EPSTI1: variants seen among roughly 807,000 people sequenced by gnomAD.
The protein encoded by EPSTI1 is epithelial stromal interaction 1, also known as epithelial-stromal interaction protein 1.
A neutral mutation model predicts 49.9 loss-of-function variants in EPSTI1; 66 were observed. That is an observed-to-expected ratio of 1.32 (90% CI 1.08 to 1.62). The LOEUF (loss-of-function observed/expected upper bound fraction) is 1.62, where lower values mean the gene tolerates loss of function less well. EPSTI1 is among the 40% of genes most tolerant of loss of function. The pLI, the probability that EPSTI1 is intolerant of heterozygous loss-of-function variation, is 0.00. For synonymous variants in EPSTI1, 137 were observed against 130.7 expected (o/e 1.05, Z -0.33); for missense variants, 394 against 365.5 (o/e 1.08, Z -0.64).
Position 42,922,975 on chromosome 13 carries a change from T to C in EPSTI1, c.657+3361A>G, listed in dbSNP as rs1359991442. Among the ~76,000 whole-genome samples the C allele has an allele frequency of 1.3e-5, 2 of 152,058 alleles. No individual in the cohort carries two copies. Among genetic ancestry groups the C allele is most frequent in the Non-Finnish European group, 2.9e-5 (2 of 68,012 alleles). Reference sequence around the variant, plus strand: ...TGCTCCTGATTTCAAAAGCTTTGCTTCCCCTTACCTTGCTTGCAAAAGCTT... The same window carrying C: ...TGCTCCTGATTTCAAAAGCTTTGCTCCCCCTTACCTTGCTTGCAAAAGCTT... On this transcript the variant is annotated intron_variant, in intron 7 of 10. Coordinates refer to ENST00000313624, the MANE Select transcript of EPSTI1 (RefSeq NM_033255.5). This position sits in a 1 kb window ranked among gnomAD's most constrained non-coding sequence, Gnocchi z 4.8.
At chr13:42,927,983 C>T (rs2038235957) in intron 6 of EPSTI1, among the ~76,000 whole-genome samples, 1 of 152,240 alleles carries the variant, frequency 6.6e-6, no homozygotes, top group Admixed American at 6.5e-5. Context: ...GAAGAAACTT[C>T]AGACCAAGTT....
At chr13:42,924,219 G>A (rs1225797807) in intron 7 of EPSTI1, among the ~76,000 whole-genome samples, 4 of 152,188 alleles carry the variant, frequency 2.6e-5, no homozygotes, top group African/African-American at 9.7e-5. Flanking sequence ...ATTGAACACT[G>A]AAACCGTATT....
rs528110594 is a variant in EPSTI1, at chr13:42,911,656, C to T, written c.741+5885G>A. Among the ~76,000 whole-genome samples, 7 of 152,204 alleles carry T rather than the reference C, an allele frequency of 4.6e-5. No homozygotes were observed. The South Asian group carries it at 1.5e-3, about 32-fold the overall frequency. On this transcript the variant is annotated intron_variant, in intron 8 of 10. Coordinates refer to ENST00000313624, the MANE Select transcript of EPSTI1 (RefSeq NM_033255.5). ...TTTAAACTTTTCCAAATCTATGGTT[C>T]TAGTCCCTCATTTCTAATGCCGTGT... is the stretch of plus-strand genomic sequence containing the variant.
chr13:42,911,489 A>G (rs2037684851), intron 8 of EPSTI1, among the ~76,000 whole-genome samples: 1 of 152,170 alleles, frequency 6.6e-6, no homozygotes, highest in South Asian at 2.1e-4. Flanking sequence ...TTCTCAGAAA[A>G]CTTCAGAAAT....
intron 1 of EPSTI1, among the ~76,000 whole-genome samples, chr13:42,975,682 A>G (rs2039867353): frequency 6.6e-6 from 1 of 152,226 alleles, no homozygotes; most frequent in Admixed American, 6.5e-5. Flanking sequence ...ATGGTTTGGT[A>G]TGTATCTCAG....
At chr13:42,921,314 A>G (rs1234651905) in intron 7 of EPSTI1, among the ~76,000 whole-genome samples, 2 of 152,228 alleles carry the variant, frequency 1.3e-5, no homozygotes, top group African/African-American at 4.8e-5. Flanking sequence ...AGGAACCAGT[A>G]TTCAAAGTTA....
chr13:42,973,332 G>A (rs1278442136), intron 1 of EPSTI1, among the ~76,000 whole-genome samples: 2 of 152,156 alleles, frequency 1.3e-5, no homozygotes, highest in African/African-American at 2.4e-5. Flanking sequence ...TGAATTTAGA[G>A]GGTTTTTACT....
intron 1 of EPSTI1, among the ~76,000 whole-genome samples, chr13:42,982,643 G>T (rs1462885285): frequency 1.3e-5 from 2 of 152,174 alleles, no homozygotes; most frequent in Non-Finnish European, 2.9e-5. Flanking sequence ...CTTTTCTCCT[G>T]CAAAGTACTT....
At chr13:42,961,689 C>T (rs1239927166) in intron 5 of EPSTI1, among the ~76,000 whole-genome samples, 1 of 152,142 alleles carries the variant, frequency 6.6e-6, no homozygotes, top group Non-Finnish European at 1.5e-5. Flanking sequence ...GAGATGACGA[C>T]CAATCAGAAT....
chr13:42,969,594 T>C (rs1024169622), intron 2 of EPSTI1: 1 of 194,774 alleles, frequency 5.1e-6, no homozygotes, highest in Non-Finnish European at 1.1e-5. Context: ...CTGATGCCCA[T>C]ACTCGCTTTA....
At chr13:42,918,212 G>A (rs1000732281) in intron 7 of EPSTI1, among the ~76,000 whole-genome samples, 1 of 152,146 alleles carries the variant, frequency 6.6e-6, no homozygotes, top group African/African-American at 2.4e-5. Context: ...AAAGCCTTTG[G>A]CAAGCCAGCA....
chr13:42,965,235 G>A (rs1289040399), intron 3 of EPSTI1, among the ~76,000 whole-genome samples: 1 of 152,144 alleles, frequency 6.6e-6, no homozygotes, highest in East Asian at 1.9e-4. Flanking sequence ...TAGAAGAAAT[G>A]GAGAGAGCCA....
chr13:42,895,180 G>T, intron 9 of EPSTI1, 72 bp from the exon 10 acceptor site: 1 of 1,229,296 alleles, frequency 8.1e-7, no homozygotes. Context: ...AGAATCTAAT[G>T]TGTTGTATGA....
intron 1 of EPSTI1, among the ~76,000 whole-genome samples, chr13:42,978,130 G>A (rs2039916160): frequency 6.6e-6 from 1 of 151,786 alleles, no homozygotes; most frequent in African/African-American, 2.4e-5. Flanking sequence ...TCCAGCCTGG[G>A]CCACAGAGCG....
At chr13:42,983,563 C>CAAAAAAAAAAAAAAAAAAAAAAAAA (rs56259281) in intron 1 of EPSTI1, among the ~76,000 whole-genome samples, 2 of 95,500 alleles carry the variant, frequency 2.1e-5, no homozygotes, top group African/African-American at 5.5e-5. Context: ...GACTCCATCT[C>CAAAAAAAAAAAAAAAAAAAAAAAAA]AAAAAAAAAA....
chr13:42,909,463 T>G (rs532689164), intron 8 of EPSTI1, among the ~76,000 whole-genome samples: 1 of 152,224 alleles, frequency 6.6e-6, no homozygotes, highest in African/African-American at 2.4e-5. Flanking sequence ...ATAAAACAAG[T>G]ATGTCAAAGA....
chr13:42,926,475 A>G (rs1266642269), intron 6 of EPSTI1, 46 bp from the exon 7 acceptor site: 2 of 1,030,410 alleles, frequency 1.9e-6, no homozygotes, highest in Non-Finnish European at 3.1e-6. Flanking sequence ...AAAAATATGA[A>G]CATAATTCTT....
intron 8 of EPSTI1, among the ~76,000 whole-genome samples, chr13:42,903,598 G>A (rs549604786): frequency 2.0e-5 from 3 of 152,148 alleles, no homozygotes; most frequent in Non-Finnish European, 4.4e-5. Flanking sequence ...AACAATTTGA[G>A]TCTAGGAAGA....
At chr13:42,926,572 G>C (rs1345147128) in intron 6 of EPSTI1, 143 bp from the exon 7 acceptor site, 1 of 654,102 alleles carries the variant, frequency 1.5e-6, no homozygotes, top group African/African-American at 1.8e-5. Flanking sequence ...TTGAGAACAA[G>C]GTGTAGCAGA....
Sources: allele counts gnomAD v4.1 joint callset (sites outside exome capture counted in the v4.1 genomes callset), GRCh38; gene constraint gnomAD v4.1.1; non-coding constraint Gnocchi (gnomAD v3.1); transcripts MANE v1.5; gene names NCBI Gene and HGNC (gene_info 2026-07-23, HGNC 2026-07-21).